Variants in OR14A2 observed in about 807,000 individuals in gnomAD.
OR14A2 encodes olfactory receptor 14A2.
For missense variants in OR14A2, 237 were observed against 152.9 expected, an observed-to-expected ratio of 1.55 and a Z score of -2.90; for synonymous variants, 114 against 58.6, an observed-to-expected ratio of 1.95 and a Z score of -4.32.
At chr1:247,741,670 G>C in the OR14A2 span, among the ~76,000 whole-genome samples, 4 of 152,178 alleles carry the variant, frequency 2.6e-5, no homozygotes, top group Non-Finnish European at 2.9e-5. Context: ...GTAAGAAGTA[G>C]TAACAGGAAG....
the OR14A2 span, chr1:247,739,100 C>T: frequency 3.8e-6 from 3 of 780,860 alleles, no homozygotes; most frequent in Non-Finnish European, 7.2e-6. Context: ...CTGGAACATT[C>T]TCTCTGAATT....
upstream of OR14A2, chr1:247,724,085 A>T: frequency 1.5e-6 from 1 of 649,372 alleles, no homozygotes; most frequent in Non-Finnish European, 2.8e-6. Flanking sequence ...GAAAATATGC[A>T]AAAAAAGAAT....
the OR14A2 span, among the ~76,000 whole-genome samples, chr1:247,734,735 G>T: frequency 6.6e-6 from 1 of 152,124 alleles, no homozygotes; most frequent in Non-Finnish European, 1.5e-5. Context: ...GATGTCATAT[G>T]TCTCTTACGA....
chr1:247,738,267 A>G, the OR14A2 span, among the ~76,000 whole-genome samples: 1 of 152,228 alleles, frequency 6.6e-6, no homozygotes, highest in Non-Finnish European at 1.5e-5. Context: ...ATGAAAATGT[A>G]TGCCCTATTG....
At chr1:247,733,414 T>C in the OR14A2 span, among the ~76,000 whole-genome samples, 1,253 of 152,296 alleles carry the variant, frequency 8.2e-3, 17 homozygotes, top group African/African-American at 0.028. Flanking sequence ...AAGAAATGCA[T>C]TGGACTATGG....
At chr1:247,744,586 G>A in the OR14A2 span, among the ~76,000 whole-genome samples, 1 of 152,116 alleles carries the variant, frequency 6.6e-6, no homozygotes, top group Admixed American at 6.5e-5. This position sits in a 1 kb window ranked among gnomAD's most constrained non-coding sequence, Gnocchi z 4.3. Flanking sequence ...AGCAGATGCC[G>A]AATCAAAATT....
chr1:247,736,357 A>G, the OR14A2 span, among the ~76,000 whole-genome samples: 7,283 of 152,188 alleles, frequency 0.048, 468 homozygotes, highest in African/African-American at 0.15. Flanking sequence ...TGTGTATTAT[A>G]TGTATTTTCC....
the OR14A2 span, chr1:247,738,859 A>T: frequency 2.6e-6 from 2 of 776,840 alleles, no homozygotes; most frequent in African/African-American, 3.5e-5. Flanking sequence ...TCCATCCTCA[A>T]CTCTGTCGCC....
chr1:247,737,236 G>A, the OR14A2 span, among the ~76,000 whole-genome samples: 1 of 152,168 alleles, frequency 6.6e-6, no homozygotes, highest in African/African-American at 2.4e-5. Flanking sequence ...TCTCGGCTGT[G>A]TGTGTGTGCA....
upstream of OR14A2, among the ~76,000 whole-genome samples, chr1:247,726,755 A>G (rs1442483544): frequency 7.1e-6 from 1 of 140,270 alleles, no homozygotes; most frequent in African/African-American, 2.8e-5. Context: ...ACATATGGCT[A>G]GCCAGTTTTC....
At chr1:247,730,646 C>G in the OR14A2 span, among the ~76,000 whole-genome samples, 1 of 151,978 alleles carries the variant, frequency 6.6e-6, no homozygotes, top group African/African-American at 2.4e-5. Context: ...TGCACTCCTT[C>G]TTGTAAAATA....
upstream of OR14A2, among the ~76,000 whole-genome samples, chr1:247,725,699 A>ACTCT (rs1660333207): frequency 9.2e-6 from 1 of 109,218 alleles, no homozygotes; most frequent in Non-Finnish European, 1.8e-5. Context: ...ACCCCACCAC[A>ACTCT]GTCCCCAGAG....
chr1:247,741,039 A>G, the OR14A2 span, among the ~76,000 whole-genome samples: 1 of 152,134 alleles, frequency 6.6e-6, no homozygotes, highest in Non-Finnish European at 1.5e-5. Context: ...GAAATCTTCT[A>G]TTTGCCCAAA....
At chr1:247,730,307 C>T in the OR14A2 span, among the ~76,000 whole-genome samples, 2 of 152,006 alleles carry the variant, frequency 1.3e-5, no homozygotes, top group African/African-American at 2.4e-5. Flanking sequence ...AAAAAAACCT[C>T]ACATGTTTTA....
the OR14A2 span, among the ~76,000 whole-genome samples, chr1:247,743,558 G>A: frequency 6.6e-6 from 1 of 152,174 alleles, no homozygotes; most frequent in Non-Finnish European, 1.5e-5. Flanking sequence ...CTGGTGGTCT[G>A]CAGGGATGTT....
chr1:247,723,629 A>G (rs1660258578), exon 1 of OR14A2: 1 of 718,472 alleles, frequency 1.4e-6, no homozygotes, highest in African/African-American at 1.7e-5. Flanking sequence ...ATTAACACAC[A>G]GACTCCAGTA....
At chr1:247,723,778 G>A (rs1361454293) in exon 1 of OR14A2, 1 of 718,142 alleles carries the variant, frequency 1.4e-6, no homozygotes, top group Non-Finnish European at 2.6e-6. Context: ...AATGGAAATG[G>A]AATTGTTGTG....
chr1:247,723,894 G>T, exon 1 of OR14A2: 1 of 717,280 alleles, frequency 1.4e-6, no homozygotes, highest in African/African-American at 1.8e-5. Context: ...GGAGCTTTAC[G>T]TCCAGGGTAA....
chr1:247,737,232 CTG>C, the OR14A2 span, among the ~76,000 whole-genome samples: 9 of 151,972 alleles, frequency 5.9e-5, no homozygotes, highest in Non-Finnish European at 1.2e-4. Context: ...ATCCTCTCGG[CTG>C]TGTGTGTGTG....
Sources: gnomAD v4.1 joint callset for allele counts (sites outside exome capture counted in the v4.1 genomes callset) on GRCh38, gnomAD v4.1.1 for gene constraint, Gnocchi (gnomAD v3.1) non-coding constraint, MANE v1.5 for transcripts, NCBI Gene and HGNC (gene_info 2026-07-23, HGNC 2026-07-21) for gene names.